Variants in NBN observed in about 807,000 individuals in gnomAD.
The protein encoded by NBN is nibrin, also known as Nijmegen breakage syndrome 1 (nibrin).
In NBN, 88 loss-of-function variants were observed where a neutral mutation model predicts 90.8. That is an observed-to-expected ratio of 0.97 (90% CI 0.82 to 1.16). NBN has a LOEUF of 1.16. Ranked by LOEUF, NBN falls within the 50% of genes most tolerant of loss-of-function variation. NBN has a pLI of 0.00. For synonymous variants in NBN, 328 were observed against 295.1 expected (o/e 1.11, Z -1.14); for missense variants, 894 against 869.6 (o/e 1.03, Z -0.35).
chr8:89,984,454 C>T (rs1812233882), intron 1 of NBN, 71 bp downstream of exon 1: 1 of 1,437,694 alleles, frequency 7.0e-7, no homozygotes, highest in Non-Finnish European at 9.7e-7. Context: ...ACGCAGGAAT[C>T]ACCCGCAGGC....
chr8:89,946,112 C>T, intron 13 of NBN, 28 bp downstream of exon 13: 1 of 1,493,508 alleles, frequency 6.7e-7, no homozygotes, highest in Non-Finnish European at 9.3e-7. Context: ...CAAACACTGA[C>T]CTCTTGTGAT....
intron 5 of NBN, among the ~76,000 whole-genome samples, chr8:89,974,214 C>T (rs1177758469): frequency 6.8e-6 from 1 of 146,680 alleles, no homozygotes; most frequent in Non-Finnish European, 1.5e-5. Context: ...GTCCTGCAGG[C>T]ATATGTTCAT....
chr8:89,934,697 G>A lies in NBN; in HGVS notation c.*885C>T. The A allele has an allele frequency of 4.3e-6, 1 of 233,202 alleles. No homozygotes were observed. Among genetic ancestry groups the A allele is most frequent in the Non-Finnish European group, 8.5e-6 (1 of 118,024 alleles). The allele number at this position is 233,202 out of a possible 1,614,324, so 14.4% of individuals were successfully genotyped here. A position where few individuals can be genotyped will look rare whatever the true frequency, so the allele number is the denominator to read the frequency against. On this transcript the variant is annotated 3_prime_UTR_variant, in exon 16 of 16. Transcript: ENST00000265433. Reference sequence around the variant, plus strand: ...CCTTCTTGCTGGATCACAGGTACATGAATATATTTTTGAACACAGACTTGA... The same window carrying A: ...CCTTCTTGCTGGATCACAGGTACATAAATATATTTTTGAACACAGACTTGA...
intron 14 of NBN, among the ~76,000 whole-genome samples, chr8:89,942,592 G>C (rs1318256004): frequency 6.6e-6 from 1 of 151,958 alleles, no homozygotes; most frequent in Non-Finnish European, 1.5e-5. Flanking sequence ...AAACAGCAAG[G>C]AACAAGAAGA....
rs1274304007 is a variant in NBN, at chr8:89,946,355, T to C, written c.1915-60A>G. On this transcript the variant is annotated intron_variant, in intron 12 of 15. Coordinates refer to ENST00000265433, the MANE Select transcript of NBN (RefSeq NM_002485.5). The stretch of plus-strand genomic sequence containing the variant: ...GAAGAAATAACAAAGAAAAGTCACT[T>C]GTCATTTGGGAATCTATAGAAAAAA... The C allele has an allele frequency of 3.5e-6, 5 of 1,444,398 alleles. No homozygotes were observed. The Admixed American group carries it at 5.1e-5, about 15-fold the overall frequency. 89.5% of individuals were successfully genotyped at this position (1,444,398 alleles called of 1,614,324 possible). A position where few individuals can be genotyped will look rare whatever the true frequency, so the allele number is the denominator to read the frequency against.
intron 11 of NBN, among the ~76,000 whole-genome samples, chr8:89,952,968 C>T (rs1168941063): frequency 1.3e-5 from 2 of 152,170 alleles, no homozygotes; most frequent in Non-Finnish European, 2.9e-5. Flanking sequence ...CTACACTTAT[C>T]ATCATAGCCA....
intron 1 of NBN, among the ~76,000 whole-genome samples, chr8:89,983,077 G>GT (rs1328936673): frequency 6.6e-6 from 1 of 151,822 alleles, no homozygotes; most frequent in Non-Finnish European, 1.5e-5. Context: ...TGTTTCAGGA[G>GT]TAACAACAAC....
Position 89,984,613 on chromosome 8 carries a change from G to A in NBN, c.-52C>T. On this transcript the variant is annotated 5_prime_UTR_variant, in exon 1 of 16. Coordinates refer to ENST00000265433, the MANE Select transcript of NBN (RefSeq NM_002485.5). ...GACGTGCAACCGCGTAACCGGGGCT[G>A]CTAGACGAGCGCGGATACGGCGCCT... The A allele has an allele frequency of 6.2e-7, 1 of 1,605,588 alleles. No individual in the cohort carries two copies. The highest frequency in any genetic ancestry group is 1.1e-5 in the South Asian group (1 of 90,068).
intron 10 of NBN, among the ~76,000 whole-genome samples, chr8:89,954,215 T>A (rs1381251762): frequency 6.6e-6 from 1 of 152,104 alleles, no homozygotes; most frequent in African/African-American, 2.4e-5. Context: ...ATTCATTCAA[T>A]AAATACCAAA....
chr8:89,961,862 T>C (rs577974109), intron 8 of NBN, among the ~76,000 whole-genome samples: 41 of 152,238 alleles, frequency 2.7e-4, no homozygotes, highest in African/African-American at 9.1e-4. Context: ...GGACCATTAC[T>C]AGGGCAATTA....
intron 2 of NBN, 152 bp from the exon 3 acceptor site, chr8:89,981,675 T>C (rs1812076952): frequency 5.3e-6 from 4 of 755,514 alleles, no homozygotes; most frequent in Admixed American, 5.6e-5. Context: ...GAGAGGAAGA[T>C]CACTCAACTA....
Position 89,946,292 on chromosome 8 carries a change from T to G in NBN, c.1918A>C (p.Asn640His). 6.3e-7 allele frequency: 1 copy of G among 1,580,038 alleles called. No homozygotes were observed. The highest frequency in any genetic ancestry group is 8.7e-7 in the Non-Finnish European group (1 of 1,149,426). The change falls in exon 13 of 16, where the codon AAT becomes CAT. Residue 640 changes from asparagine to histidine, a missense_variant. Transcript: ENST00000265433. ...TCACTATCATCCTGAAGTTTGTCAT[T>G]GTTCTTAAATGGGGTTAAGATGGAT... The part of the protein sequence containing the change: ...SLWSAKEISN[N>H]DKLQDDSEML...
intron 9 of NBN, 116 bp downstream of exon 9, chr8:89,958,609 C>G: frequency 2.4e-6 from 3 of 1,243,064 alleles, no homozygotes; most frequent in Non-Finnish European, 3.5e-6. Flanking sequence ...CCTGGTATCC[C>G]ATTCTTCCAT....
Position 89,933,550 on chromosome 8 carries a change from A to C in NBN, c.*2032T>G. 4.3e-6 allele frequency: 1 copy of C among 231,696 alleles called. No homozygotes were observed. 14.4% of individuals were successfully genotyped at this position (231,696 alleles called of 1,614,324 possible). ...ATGAGGAAAGGATAATTCTTTCAAT[A>C]AACAGTGTTACAATGACTGGATACT... On this transcript the variant is annotated 3_prime_UTR_variant, in exon 16 of 16. Transcript: ENST00000265433.
Position 89,934,761 on chromosome 8 carries a change from T to A in NBN, c.*821A>T, listed in dbSNP as rs1036754997. Reference sequence around the variant, plus strand: ...ATAAAGTTTGAAAAAAGACATTCATTGTTTCTTACCATCTCCCTTTAAGGT... The same window carrying A: ...ATAAAGTTTGAAAAAAGACATTCATAGTTTCTTACCATCTCCCTTTAAGGT... On this transcript the variant is annotated 3_prime_UTR_variant, in exon 16 of 16. Coordinates refer to ENST00000265433, the MANE Select transcript of NBN (RefSeq NM_002485.5). 8.6e-6 allele frequency: 2 copies of A among 233,130 alleles called. No individual in the cohort carries two copies. Among genetic ancestry groups the A allele is most frequent in the South Asian group, 3.6e-4 (2 of 5,536 alleles). The allele number at this position is 233,130 out of a possible 1,614,324, so 14.4% of individuals were successfully genotyped here. A position where few individuals can be genotyped will look rare whatever the true frequency, so the allele number is the denominator to read the frequency against.
intron 14 of NBN, 85 bp from the exon 15 acceptor site, chr8:89,937,160 C>T: frequency 7.6e-7 from 1 of 1,311,224 alleles, no homozygotes; most frequent in Non-Finnish European, 1.1e-6. Flanking sequence ...TCACTGTCAT[C>T]TTAGAGATTT....
At chr8:89,951,376 G>A (rs552309813) in intron 11 of NBN, among the ~76,000 whole-genome samples, 3 of 149,064 alleles carry the variant, frequency 2.0e-5, no homozygotes, top group Admixed American at 6.7e-5. Context: ...AAAATAACAT[G>A]TCAGAGAAAA....
At chr8:89,947,332 T>C (rs551584311) in intron 12 of NBN, among the ~76,000 whole-genome samples, 2 of 152,268 alleles carry the variant, frequency 1.3e-5, no homozygotes, top group African/African-American at 4.8e-5. Flanking sequence ...ATCATGGTTA[T>C]AATACGATCT....
intron 4 of NBN, among the ~76,000 whole-genome samples, chr8:89,979,793 G>C (rs73696848): frequency 0.023 from 3,437 of 152,244 alleles, 129 homozygotes; most frequent in African/African-American, 0.077. Flanking sequence ...CCCACTCGCT[G>C]GAAGTGTCCA....
Sources: allele counts gnomAD v4.1 joint callset (sites outside exome capture counted in the v4.1 genomes callset), GRCh38; gene constraint gnomAD v4.1.1; transcripts MANE v1.5; gene names NCBI Gene and HGNC (gene_info 2026-07-23, HGNC 2026-07-21).